The following CLEC16A variants were observed in gnomAD, a reference collection of about 807,000 sequenced individuals.
CLEC16A encodes C-type lectin domain containing 16A, also known as protein CLEC16A.
In CLEC16A, 51 loss-of-function variants were observed where a neutral mutation model predicts 109.5. The ratio of observed to expected loss-of-function variants is 0.47; its 90% CI spans 0.37 to 0.59. The LOEUF is 0.59. CLEC16A is among the 20% of genes least tolerant of loss of function. CLEC16A has a pLI of 0.00. For synonymous variants in CLEC16A, 673 were observed against 564.2 expected, an observed-to-expected ratio of 1.19 and a Z score of -2.73; for missense variants, 1,339 against 1,394.0, an observed-to-expected ratio of 0.96 and a Z score of 0.63.
At chr16:11,117,670 A>G (rs2052098191) in intron 19 of CLEC16A, among the ~76,000 whole-genome samples, 2 of 152,196 alleles carry the variant, frequency 1.3e-5, no homozygotes, top group African/African-American at 4.8e-5. Context: ...CCACACACAC[A>G]CACTCCTACC....
intron 22 of CLEC16A, among the ~76,000 whole-genome samples, chr16:11,158,307 C>A (rs761930201): frequency 6.6e-6 from 1 of 152,166 alleles, no homozygotes; most frequent in African/African-American, 2.4e-5. Flanking sequence ...AGGGCACCCA[C>A]GCCTCATGGT....
intron 19 of CLEC16A, among the ~76,000 whole-genome samples, chr16:11,115,727 T>C (rs2051939087): frequency 6.6e-6 from 1 of 152,138 alleles, no homozygotes; most frequent in Non-Finnish European, 1.5e-5. Context: ...AGAAAATGTT[T>C]ATAAGAATGA....
intron 1 of CLEC16A, among the ~76,000 whole-genome samples, chr16:10,949,828 C>A (rs141319379): frequency 6.6e-6 from 1 of 152,160 alleles, no homozygotes; most frequent in African/African-American, 2.4e-5. Flanking sequence ...TGGTGAGTTA[C>A]GGTAGCAGCT....
chr16:11,175,790 C>T (rs915027761), intron 23 of CLEC16A, among the ~76,000 whole-genome samples: 1 of 152,238 alleles, frequency 6.6e-6, no homozygotes, highest in Non-Finnish European at 1.5e-5. Context: ...ATATATTTGC[C>T]TACAAGGTTT....
intron 18 of CLEC16A, 79 bp from the exon 19 acceptor site, chr16:11,060,823 G>A: frequency 7.3e-7 from 1 of 1,367,926 alleles, no homozygotes. Context: ...GAGTCATGGT[G>A]TCATTTCTGG....
At chr16:11,069,340 G>A (rs1186446238) in intron 19 of CLEC16A, among the ~76,000 whole-genome samples, 1 of 152,138 alleles carries the variant, frequency 6.6e-6, no homozygotes, top group African/African-American at 2.4e-5. Flanking sequence ...TGTTGCCCAG[G>A]CTGGTCTCAA....
At chr16:11,163,850 T>A (rs1312485875) in intron 22 of CLEC16A, among the ~76,000 whole-genome samples, 1 of 152,198 alleles carries the variant, frequency 6.6e-6, no homozygotes, top group Non-Finnish European at 1.5e-5. Flanking sequence ...ATGGCCCTGA[T>A]AAATAGGCAG....
intron 10 of CLEC16A, among the ~76,000 whole-genome samples, chr16:10,985,709 GT>G (rs1294118182): frequency 6.6e-6 from 1 of 151,188 alleles, no homozygotes; most frequent in East Asian, 1.9e-4. Context: ...TTGCAGCATT[GT>G]TTATTTATTT....
intron 23 of CLEC16A, among the ~76,000 whole-genome samples, chr16:11,166,890 A>T (rs916823701): frequency 6.6e-6 from 1 of 152,108 alleles, no homozygotes; most frequent in African/African-American, 2.4e-5. Flanking sequence ...GGGGTCTCCC[A>T]AGGGGATTGT....
chr16:11,013,133 G>C (rs140477098), intron 11 of CLEC16A, among the ~76,000 whole-genome samples: 1 of 152,296 alleles, frequency 6.6e-6, no homozygotes, highest in East Asian at 1.9e-4. Flanking sequence ...GACATGGCGA[G>C]AACATGCAGA....
chr16:10,964,552 G>T (rs1378669696), intron 3 of CLEC16A, among the ~76,000 whole-genome samples: 1 of 152,216 alleles, frequency 6.6e-6, no homozygotes, highest in East Asian at 1.9e-4. Context: ...TCAGAGCGAG[G>T]CACAGGGTCT....
At chr16:11,011,455 C>T (rs977161800) in intron 11 of CLEC16A, among the ~76,000 whole-genome samples, 3 of 152,092 alleles carry the variant, frequency 2.0e-5, no homozygotes, top group African/African-American at 7.2e-5. Flanking sequence ...CCTGCAGGAA[C>T]CCTTTCAAGC....
chr16:11,062,435 C>T (rs1424821123), intron 19 of CLEC16A, among the ~76,000 whole-genome samples: 1 of 152,174 alleles, frequency 6.6e-6, no homozygotes, highest in Admixed American at 6.5e-5. Flanking sequence ...ACCCCCACAG[C>T]CTCCGTTTCG....
chr16:11,109,732 C>T (rs1322336388), intron 19 of CLEC16A, among the ~76,000 whole-genome samples: 1 of 152,242 alleles, frequency 6.6e-6, no homozygotes, highest in African/African-American at 2.4e-5. Context: ...GGGCCCTGCT[C>T]TTGGAATTCC....
At chr16:10,979,893 G>C (rs977112087) in intron 9 of CLEC16A, among the ~76,000 whole-genome samples, 2 of 152,260 alleles carry the variant, frequency 1.3e-5, no homozygotes, top group South Asian at 2.1e-4. Flanking sequence ...TCAGATTTGT[G>C]TCTTGAGCCA....
At chr16:11,020,393 G>C in intron 12 of CLEC16A, 68 bp downstream of exon 12, 1 of 1,492,946 alleles carries the variant, frequency 6.7e-7, no homozygotes, top group Non-Finnish European at 9.0e-7. Flanking sequence ...TGGGGAGGTT[G>C]AGCCCTAGGG....
chr16:10,957,186 A>G (rs34033347), intron 1 of CLEC16A, among the ~76,000 whole-genome samples: 26,054 of 152,264 alleles, frequency 0.17, 2,733 homozygotes, highest in South Asian at 0.24. Flanking sequence ...CATTTGAGCC[A>G]TAAGTTCTGA....
In CLEC16A at chr16:11,156,692, G is replaced by A. The variant is rs765363770; in HGVS notation, c.2642-9696G>A. ...TGCTAATTTACAGACGGTAATACCA[G>A]TGGAAGAGGGCAGGGGCTGGGCGAG... On this transcript the variant is annotated intron_variant, in intron 22 of 23. Transcript: ENST00000409790. 33 of 1,299,738 alleles carry A rather than the reference G, an allele frequency of 2.5e-5. No individual in the cohort carries two copies. The South Asian group carries it at 3.7e-4, about 15-fold the overall frequency. The allele number at this position is 1,299,738 out of a possible 1,614,324, so 80.5% of individuals were successfully genotyped here.
rs888577356 is a variant in CLEC16A at position 10,954,146 on chromosome 16, C to G, written c.81-3636C>G. 6.6e-6 allele frequency among the ~76,000 whole-genome samples: 1 copy of G among 152,204 alleles called. No individual in the cohort carries two copies. Among genetic ancestry groups the G allele is most frequent in the Admixed American group, 6.5e-5 (1 of 15,274 alleles). On this transcript the variant is annotated intron_variant, in intron 1 of 23. Transcript: ENST00000409790. The surrounding 1 kb of genome is among the most constrained non-coding windows in gnomAD (Gnocchi z 4.2). Reference sequence around the variant, plus strand: ...GCGCCACCGACCAGGGCAAAGAACACCAAGTATTGAGAGGCCAAGAAACAA... The same window carrying G: ...GCGCCACCGACCAGGGCAAAGAACAGCAAGTATTGAGAGGCCAAGAAACAA...
Sources: allele counts gnomAD v4.1 joint callset (sites outside exome capture counted in the v4.1 genomes callset), GRCh38; gene constraint gnomAD v4.1.1; non-coding constraint Gnocchi (gnomAD v3.1); transcripts MANE v1.5; gene names NCBI Gene and HGNC (gene_info 2026-07-23, HGNC 2026-07-21).